GMDS: variants seen among roughly 807,000 people sequenced by gnomAD.
The protein encoded by GMDS is GDP-mannose 4,6-dehydratase, also known as GDP-mannose 4,6 dehydratase.
Under a neutral mutation model 49.9 loss-of-function variants are expected in GMDS, and 20 were observed. The observed-to-expected ratio is 0.40, with a 90% CI of 0.28 to 0.58. The LOEUF is 0.58. Among genes scored for constraint, GMDS ranks in the 20% least tolerant of loss-of-function variants. The pLI, the probability that GMDS is intolerant of heterozygous loss-of-function variation, is 0.42. For synonymous variants in GMDS, 177 were observed against 178.6 expected, an observed-to-expected ratio of 0.99 and a Z score of 0.07; for missense variants, 362 against 481.4, an observed-to-expected ratio of 0.75 and a Z score of 2.32.
rs70992103 is a variant in GMDS at position 1,798,237 on chromosome 6, GCACACACACACACACACA to G, written c.772-55669_772-55652del. Among the ~76,000 whole-genome samples, 79 of 143,448 alleles carry G rather than the reference GCACACACACACACACACA, an allele frequency of 5.5e-4. 1 individual carries two copies. In the East Asian group the frequency reaches 8.4e-3, roughly 15 times the overall value. The allele number at this position is 143,448 out of a possible 152,430, so 94.1% of individuals were successfully genotyped here. On this transcript the variant is annotated intron_variant, in intron 7 of 10. Transcript: ENST00000380815. ...GTATAAATTTACTTCTAATTACAGA[GCACACACACACACACACA>G]CACACACACACACACACACACACAC...
rs79131882 is a variant in GMDS at position 1,716,136 on chromosome 6, C to T, written c.987+10280G>A. 5.6e-3 allele frequency among the ~76,000 whole-genome samples: 850 copies of T among 152,236 alleles called. 5 individuals are homozygous for T. The highest frequency in any genetic ancestry group is 0.01 in the Middle Eastern group (3 of 294). On this transcript the variant is annotated intron_variant, in intron 9 of 10. Transcript: ENST00000380815. Reference sequence around the variant, plus strand: ...ATAGGGAAACATTTCATTATGAAGTCGAAGAATATGTAAAAAAAGATTAAA... The same window carrying T: ...ATAGGGAAACATTTCATTATGAAGTTGAAGAATATGTAAAAAAAGATTAAA...
intron 1 of GMDS, among the ~76,000 whole-genome samples, chr6:2,200,272 G>C (rs1315999241): frequency 6.6e-6 from 1 of 152,158 alleles, no homozygotes; most frequent in South Asian, 2.1e-4. Context: ...GAAGGGATGG[G>C]AGCCTCAGTA....
chr6:1,715,972 T>C (rs1464179520), intron 9 of GMDS, among the ~76,000 whole-genome samples: 15 of 152,234 alleles, frequency 9.9e-5, no homozygotes, highest in Non-Finnish European at 1.5e-5. Context: ...ATGACGATGT[T>C]AGGCACATTT....
At chr6:2,034,405 G>A (rs1466792540) in intron 4 of GMDS, among the ~76,000 whole-genome samples, 2 of 152,156 alleles carry the variant, frequency 1.3e-5, no homozygotes, top group African/African-American at 2.4e-5. Flanking sequence ...GGCGGTAGGA[G>A]AGAAAAGGAA....
intron 1 of GMDS, among the ~76,000 whole-genome samples, chr6:2,146,985 C>T (rs1776587862): frequency 6.6e-6 from 1 of 152,098 alleles, no homozygotes; most frequent in Admixed American, 6.6e-5. Flanking sequence ...AACGGTGCAT[C>T]CCAAGGGTAT....
At chr6:2,026,824 T>C (rs986849020) in intron 4 of GMDS, among the ~76,000 whole-genome samples, 6 of 152,256 alleles carry the variant, frequency 3.9e-5, no homozygotes, top group Admixed American at 3.3e-4. Flanking sequence ...CGAAATTATA[T>C]ACTTTGTAAC....
chr6:1,840,820 T>C (rs1581244543), intron 7 of GMDS, among the ~76,000 whole-genome samples: 1 of 152,338 alleles, frequency 6.6e-6, no homozygotes, highest in African/African-American at 2.4e-5. Flanking sequence ...TGTGTGGTCT[T>C]GAGGGTAATC....
rs112349433 is a variant in GMDS at position 2,096,861 on chromosome 6, C to T, written c.345+18910G>A. 1.6e-4 allele frequency among the ~76,000 whole-genome samples: 24 copies of T among 152,024 alleles called. 1 individual carries two copies. The highest frequency in any genetic ancestry group is 5.3e-4 in the African/African-American group (22 of 41,460). ...TGACTTTATATTTTAGTTGTGTGTA[C>T]GTATATTACATGTATGTGTACACAG... On this transcript the variant is annotated intron_variant, in intron 4 of 10. Transcript: ENST00000380815.
intron 9 of GMDS, among the ~76,000 whole-genome samples, chr6:1,684,308 C>T (rs1346372583): frequency 1.3e-5 from 2 of 152,132 alleles, no homozygotes; most frequent in East Asian, 3.8e-4. Context: ...CTGAGCCTGG[C>T]CACAGACATA....
intron 4 of GMDS, chr6:2,043,336 C>G (rs116195418): frequency 9.7e-4 from 148 of 152,308 alleles, no homozygotes; most frequent in African/African-American, 3.4e-3. Context: ...TCGAATATAC[C>G]TCATAAGATC....
At chr6:1,770,477 A>G (rs1037525384) in intron 7 of GMDS, among the ~76,000 whole-genome samples, 10 of 152,362 alleles carry the variant, frequency 6.6e-5, no homozygotes, top group Admixed American at 5.2e-4. Context: ...GAAGCCACAG[A>G]CACCATCAAC....
rs953010001 is a variant in GMDS at position 2,142,551 on chromosome 6, T to A, written c.103-17820A>T. 4.6e-5 allele frequency among the ~76,000 whole-genome samples: 7 copies of A among 152,078 alleles called. No individual in the cohort carries two copies. In the South Asian group the frequency reaches 1.0e-3, roughly 23 times the overall value. On this transcript the variant is annotated intron_variant, in intron 1 of 10. Coordinates refer to ENST00000380815, the MANE Select transcript of GMDS (RefSeq NM_001500.4). The stretch of plus-strand genomic sequence containing the variant: ...TGCCAGAAAACCACCAGCGGCAAGG[T>A]AAGGGGCCTGGAACAGATCCTTCCC...
At position 2,033,909 on chromosome 6, in the gene GMDS, G is replaced by A. The variant is rs558883874; in HGVS notation, c.346-72943C>T. Among the ~76,000 whole-genome samples, 5 of 152,098 alleles carry A rather than the reference G, an allele frequency of 3.3e-5. No individual in the cohort carries two copies. The East Asian group carries it at 7.7e-4, about 23-fold the overall frequency. On this transcript the variant is annotated intron_variant, in intron 4 of 10. Coordinates refer to ENST00000380815, the MANE Select transcript of GMDS (RefSeq NM_001500.4). ...TTGTAAATATTCTGGAATCAGATCC[G>A]AAGGAGACTGTGTACCAGTCCGGAG...
At chr6:1,667,197 A>C (rs1293440155) in intron 9 of GMDS, among the ~76,000 whole-genome samples, 1 of 152,218 alleles carries the variant, frequency 6.6e-6, no homozygotes, top group Admixed American at 6.5e-5. Context: ...CAGACCAATC[A>C]AAGTCTACCA....
intron 4 of GMDS, among the ~76,000 whole-genome samples, chr6:1,996,572 T>G (rs896311202): frequency 2.0e-5 from 3 of 152,208 alleles, no homozygotes; most frequent in African/African-American, 7.2e-5. Flanking sequence ...GGGACGTTAT[T>G]TTTTTCTATA....
chr6:1,895,750 T>C (rs1760140216), intron 7 of GMDS, among the ~76,000 whole-genome samples: 1 of 152,176 alleles, frequency 6.6e-6, no homozygotes, highest in South Asian at 2.1e-4. Flanking sequence ...TCCTGCCCAA[T>C]AGGTTTTGTA....
chr6:2,200,975 G>T (rs55855668), intron 1 of GMDS, among the ~76,000 whole-genome samples: 1 of 128,862 alleles, frequency 7.8e-6, no homozygotes, highest in African/African-American at 3.0e-5. Flanking sequence ...CACCACATGG[G>T]CATCCGAGAT....
At chr6:1,627,480 G>C (rs542360965) in intron 9 of GMDS, among the ~76,000 whole-genome samples, 23 of 152,340 alleles carry the variant, frequency 1.5e-4, no homozygotes, top group Non-Finnish European at 2.8e-4. Context: ...ACTGTGAGGA[G>C]TGAGAGGGGA....
intron 4 of GMDS, among the ~76,000 whole-genome samples, chr6:2,071,200 A>T (rs1012969207): frequency 1.1e-4 from 16 of 152,212 alleles, no homozygotes; most frequent in African/African-American, 3.6e-4. Context: ...ATAAACGTCA[A>T]ATCCTAAATT....
Sources: gnomAD v4.1 joint callset for allele counts (sites outside exome capture counted in the v4.1 genomes callset) on GRCh38, gnomAD v4.1.1 for gene constraint, MANE v1.5 for transcripts, NCBI Gene and HGNC (gene_info 2026-07-23, HGNC 2026-07-21) for gene names.